The following AIRE variants were observed in gnomAD, a reference collection of about 807,000 sequenced individuals.
AIRE encodes the protein autoimmune polyendocrinopathy candidiasis ectodermal dystrophy protein.
Under a neutral mutation model 62.1 loss-of-function variants are expected in AIRE, and 52 were observed. That is an observed-to-expected ratio of 0.84 (90% CI 0.67 to 1.06). The LOEUF (loss-of-function observed/expected upper bound fraction) is 1.06, where lower values mean the gene tolerates loss of function less well. Among genes scored for constraint, AIRE ranks in the 50% least tolerant of loss-of-function variants. The pLI is 0.00. For synonymous variants in AIRE, 342 were observed against 321.6 expected (o/e 1.06, Z -0.68); for missense variants, 774 against 755.8 (o/e 1.02, Z -0.28).
rs376741040 is a variant in AIRE at position 44,286,562 on chromosome 21, G to A, written c.138G>A (p.Thr46=). 1.1e-5 allele frequency: 17 copies of A among 1,610,424 alleles called. No individual in the cohort carries two copies. The highest frequency in any genetic ancestry group is 2.2e-5 in the East Asian group (1 of 44,802). ...DVVPEDKFQE[T]LHLKEKEGCP... ...CTCATGCCACCCCACTGCAGGAGAC[G>A]CTTCATCTGAAGGAAAAGGAGGGCT... is the stretch of plus-strand genomic sequence containing the variant. Residue 46 remains threonine (T), a synonymous_variant, in exon 2 of 14, where the codon ACG becomes ACA. Coordinates refer to ENST00000291582, the MANE Select transcript of AIRE (RefSeq NM_000383.4). This position sits in a 1 kb window ranked among gnomAD's most constrained non-coding sequence, Gnocchi z 6.0.
chr21:44,293,925 T>A lies in AIRE; in HGVS notation c.1400+15T>A. 6.3e-7 allele frequency: 1 copy of A among 1,595,812 alleles called. No homozygotes were observed. ...TCCCGGCCCGGGTGAGTGAGCGTGG[T>A]CGGCGGGGAGGCCTGAACCCACACC... On this transcript the variant is annotated intron_variant, in intron 11 of 13. Coordinates refer to ENST00000291582, the MANE Select transcript of AIRE (RefSeq NM_000383.4).
chr21:44,290,746 G>T, intron 7 of AIRE: 1 of 1,426,088 alleles, frequency 7.0e-7, no homozygotes, highest in Non-Finnish European at 9.4e-7. Context: ...GGATTCAGCA[G>T]GCGCTGAGGT....
Position 44,298,285 on chromosome 21 carries a change from A to G in AIRE, c.*558A>G. On this transcript the variant is annotated 3_prime_UTR_variant, in exon 14 of 14. Coordinates refer to ENST00000291582, the MANE Select transcript of AIRE (RefSeq NM_000383.4). ...AATGGAAACTCTGGCCCCATGAAAC[A>G]CTCACTCCCCATTCCCCTCCCAACC... 1 of 170,176 alleles carries G rather than the reference A, an allele frequency of 5.9e-6. No individual in the cohort carries two copies. The allele number at this position is 170,176 out of a possible 1,614,324, so 10.5% of individuals were successfully genotyped here. A position where few individuals can be genotyped will look rare whatever the true frequency, so the allele number is the denominator to read the frequency against.
intron 10 of AIRE, among the ~76,000 whole-genome samples, chr21:44,293,475 C>A (rs2040566320): frequency 1.3e-5 from 2 of 152,096 alleles, no homozygotes; most frequent in South Asian, 2.1e-4. Context: ...CTTCCCTGCA[C>A]CCCTGTGGGC....
chr21:44,293,682 C>T, intron 10 of AIRE, 107 bp from the exon 11 acceptor site: 3 of 1,534,850 alleles, frequency 2.0e-6, no homozygotes, highest in Admixed American at 3.7e-5. Flanking sequence ...CCTAGACCCG[C>T]CGTCCAGCCC....
chr21:44,294,002 C>T, intron 11 of AIRE, 92 bp downstream of exon 11: 1 of 1,474,310 alleles, frequency 6.8e-7, no homozygotes, highest in Non-Finnish European at 9.1e-7. Context: ...CAGCCCACAA[C>T]CACACCCCAC....
At chr21:44,295,696 G>T (rs1487132736) in intron 12 of AIRE, among the ~76,000 whole-genome samples, 1 of 152,120 alleles carries the variant, frequency 6.6e-6, no homozygotes, top group African/African-American at 2.4e-5. Flanking sequence ...CCCTCAGCCT[G>T]CCCCCTTCCT....
chr21:44,285,990 G>A lies in AIRE; in HGVS notation c.-17G>A. ...CCCACCGCGTCCGCCCCAGCCCCGG[G>A]TCCCCGCGCCCACCCCATGGCGACG... is the stretch of plus-strand genomic sequence containing the variant. On this transcript the variant is annotated 5_prime_UTR_variant, in exon 1 of 14. Transcript: ENST00000291582. 2 of 1,525,814 alleles carry A rather than the reference G, an allele frequency of 1.3e-6. No homozygotes were observed. Among genetic ancestry groups the A allele is most frequent in the Non-Finnish European group, 1.8e-6 (2 of 1,141,664 alleles). 94.5% of individuals were successfully genotyped at this position (1,525,814 alleles called of 1,614,324 possible). A position where few individuals can be genotyped will look rare whatever the true frequency, so the allele number is the denominator to read the frequency against.
chr21:44,290,339 G>C (rs1301947252), intron 7 of AIRE: 2 of 985,360 alleles, frequency 2.0e-6, no homozygotes, highest in African/African-American at 3.5e-5. Flanking sequence ...TCTCAGCTGG[G>C]CCCGTGGGTG....
Position 44,289,819 on chromosome 21 carries a change from C to T in AIRE, c.798+17C>T. Reference sequence around the variant, plus strand: ...GCTGCCCCCGTAAGCACCTGACCTTCCCTGGGGAGCCTGGCTCTTGATGCC... The same window carrying T: ...GCTGCCCCCGTAAGCACCTGACCTTTCCTGGGGAGCCTGGCTCTTGATGCC... On this transcript the variant is annotated intron_variant, in intron 6 of 13. Transcript: ENST00000291582. 1 of 1,612,272 alleles carries T rather than the reference C, an allele frequency of 6.2e-7. No individual in the cohort carries two copies. Among genetic ancestry groups the T allele is most frequent in the South Asian group, 1.1e-5 (1 of 91,066 alleles).
At position 44,286,945 on chromosome 21, in the gene AIRE, G is replaced by C; in HGVS notation, c.308-33G>C. ...ACCCTACCCCTGGAGAAAACCCTGAGGTTGGGACCCTGCTCCTGCCCCTGA... is the reference window on the plus strand; with the variant it reads ...ACCCTACCCCTGGAGAAAACCCTGACGTTGGGACCCTGCTCCTGCCCCTGA... On this transcript the variant is annotated intron_variant, in intron 2 of 13. Coordinates refer to ENST00000291582, the MANE Select transcript of AIRE (RefSeq NM_000383.4). The surrounding 1 kb of genome is among the most constrained non-coding windows in gnomAD (Gnocchi z 6.0). 3.7e-6 allele frequency: 6 copies of C among 1,612,698 alleles called. No individual in the cohort carries two copies. The highest frequency in any genetic ancestry group is 5.1e-6 in the Non-Finnish European group (6 of 1,179,946).
rs1800521 is a variant in AIRE at position 44,293,094 on chromosome 21, T to C, written c.1197T>C (p.Ala399=). ...CTCTTGTCTACAAGCACCTGCCGGC[T>C]CCGCCTTCTGCAGCCCCGCTGCCAG... ...DTTLVYKHLP[A]PPSAAPLPGL... The change falls in exon 10 of 14, where the codon GCT becomes GCC. Residue 399 remains alanine (A), a synonymous_variant. Coordinates refer to ENST00000291582, the MANE Select transcript of AIRE (RefSeq NM_000383.4). 588,488 of 1,609,302 alleles carry C rather than the reference T, an allele frequency of 0.37. 109,045 individuals carry two copies. The highest frequency in any genetic ancestry group is 0.49 in the African/African-American group (36,838 of 74,878).
chr21:44,286,027 A>T lies in AIRE; in HGVS notation c.21A>T (p.Leu7=). Residue 7 remains leucine, a synonymous_variant, in exon 1 of 14, where the codon CTA becomes CTT. Coordinates refer to ENST00000291582, the MANE Select transcript of AIRE (RefSeq NM_000383.4). This position sits in a 1 kb window ranked among gnomAD's most constrained non-coding sequence, Gnocchi z 6.0. ...ACCCCATGGCGACGGACGCGGCGCTACGCCGGCTTCTGAGGCTGCACCGCA... is the reference window on the plus strand; with the variant it reads ...ACCCCATGGCGACGGACGCGGCGCTTCGCCGGCTTCTGAGGCTGCACCGCA... MATDAA[L]RRLLRLHRTE... 3.3e-6 allele frequency: 5 copies of T among 1,534,612 alleles called. No individual in the cohort carries two copies. The highest frequency in any genetic ancestry group is 4.4e-6 in the Non-Finnish European group (5 of 1,144,894).
rs553933185 is a variant in AIRE, at chr21:44,288,879, C to T, written c.652+421C>T. On this transcript the variant is annotated intron_variant, in intron 5 of 13. Coordinates refer to ENST00000291582, the MANE Select transcript of AIRE (RefSeq NM_000383.4). ...CTGGCCAGCCTGCAGCATCCTCGCCCGCCATTCCCTGGCCAGCCGCTGACC... is the reference window on the plus strand; with the variant it reads ...CTGGCCAGCCTGCAGCATCCTCGCCTGCCATTCCCTGGCCAGCCGCTGACC... The T allele has an allele frequency of 2.7e-4, 52 of 190,520 alleles. No homozygotes were observed. In the East Asian group the frequency reaches 4.5e-3, roughly 16 times the overall value. 11.8% of individuals were successfully genotyped at this position (190,520 alleles called of 1,614,324 possible). A position where few individuals can be genotyped will look rare whatever the true frequency, so the allele number is the denominator to read the frequency against.
chr21:44,292,219 C>A (rs1370218333), intron 8 of AIRE, 83 bp from the exon 9 acceptor site: 2 of 1,103,952 alleles, frequency 1.8e-6, no homozygotes, highest in East Asian at 2.6e-5. Flanking sequence ...ATGGTCGGAG[C>A]CCTGGAGCTC....
At position 44,296,438 on chromosome 21, in the gene AIRE, T is replaced by C. The variant is rs1247221115; in HGVS notation, c.1559T>C (p.Leu520Pro). The change falls in exon 13 of 14, where the codon CTG becomes CCG. Residue 520 changes from leucine to proline, a missense_variant. Leu to Pro is a moderately conservative substitution (Grantham distance 98). This residue lies in a region of AIRE where 354 missense variants were observed against 296.1 expected (regional missense o/e 1.20). Transcript: ENST00000291582. ...ALHRDDLESL[L>P]SEHTFDGILQ... ...CACAGGGATGACCTGGAGTCCCTTC[T>C]GAGCGAGGTAACGCCTCCCCTGGCC... 2 of 1,612,338 alleles carry C rather than the reference T, an allele frequency of 1.2e-6. No individual in the cohort carries two copies. The highest frequency in any genetic ancestry group is 1.3e-5 in the African/African-American group (1 of 74,878).
chr21:44,297,587 C>T lies in AIRE; in HGVS notation c.1567-69C>T, dbSNP rs1420597746. 116 of 1,397,280 alleles carry T rather than the reference C, an allele frequency of 8.3e-5. No homozygotes were observed. Among genetic ancestry groups the T allele is most frequent in the Non-Finnish European group, 2.9e-5 (29 of 988,846 alleles). The allele number at this position is 1,397,280 out of a possible 1,614,324, so 86.6% of individuals were successfully genotyped here. A position where few individuals can be genotyped will look rare whatever the true frequency, so the allele number is the denominator to read the frequency against. On this transcript the variant is annotated intron_variant, in intron 13 of 13. Transcript: ENST00000291582. This position sits in a 1 kb window ranked among gnomAD's most constrained non-coding sequence, Gnocchi z 4.8. ...AAGGTTGGATGGTGACTTCTTGTAA[C>T]GATGGCCATGATTCTGTGGCTGCGG...
intron 9 of AIRE, 111 bp from the exon 10 acceptor site, chr21:44,292,882 C>T (rs2040557171): frequency 8.4e-6 from 8 of 950,148 alleles, no homozygotes; most frequent in Non-Finnish European, 1.3e-5. Context: ...CCATGCCAGG[C>T]CTCTGCCCCC....
In AIRE at chr21:44,297,984, T is replaced by C; in HGVS notation, c.*257T>C. ...GGTGACCTACTAAAAATATAAAAAT[T>C]AGCTGGGTGTGGTGGTGGGTGCCTG... On this transcript the variant is annotated 3_prime_UTR_variant, in exon 14 of 14. Transcript: ENST00000291582. The surrounding 1 kb of genome is among the most constrained non-coding windows in gnomAD (Gnocchi z 4.8). 1 of 459,734 alleles carries C rather than the reference T, an allele frequency of 2.2e-6. No individual in the cohort carries two copies. Among genetic ancestry groups the C allele is most frequent in the Non-Finnish European group, 4.1e-6 (1 of 245,914 alleles). The allele number at this position is 459,734 out of a possible 1,614,324, so 28.5% of individuals were successfully genotyped here.
Sources: gnomAD v4.1 joint callset for allele counts (sites outside exome capture counted in the v4.1 genomes callset) on GRCh38, gnomAD v4.1.1 for gene constraint, gnomAD v4.1.1 regional missense constraint, Gnocchi (gnomAD v3.1) non-coding constraint, MANE v1.5 for transcripts, NCBI Gene and HGNC (gene_info 2026-07-23, HGNC 2026-07-21) for gene names.